CYB5D2: variants seen among roughly 807,000 people sequenced by gnomAD.
CYB5D2 encodes neuferricin.
Under a neutral mutation model 22.8 loss-of-function variants are expected in CYB5D2, and 23 were observed. That is an observed-to-expected ratio of 1.01 (90% confidence interval 0.73 to 1.43). The LOEUF is 1.43. Ranked by LOEUF, CYB5D2 falls within the 40% of genes most tolerant of loss-of-function variation. The pLI is 0.00. For synonymous variants in CYB5D2, 170 were observed against 152.2 expected (o/e 1.12, Z -0.86); for missense variants, 373 against 357.2 (o/e 1.04, Z -0.36).
intron 1 of CYB5D2, among the ~76,000 whole-genome samples, chr17:4,148,109 A>G (rs911600450): frequency 1.3e-5 from 2 of 152,182 alleles, no homozygotes; most frequent in South Asian, 4.1e-4. Context: ...GTGAGAAAGG[A>G]TGGCAGCCTG....
intron 1 of CYB5D2, among the ~76,000 whole-genome samples, chr17:4,147,841 G>A (rs1422012783): frequency 5.9e-5 from 9 of 152,228 alleles, no homozygotes; most frequent in South Asian, 4.2e-4. Context: ...CAACAAGAGC[G>A]AAACTCTGTC....
In CYB5D2 at chr17:4,149,878, A is replaced by C. The variant is rs767153423; in HGVS notation, c.251-13A>C. On this transcript the variant is annotated splice_polypyrimidine_tract_variant and intron_variant, in intron 1 of 3. Transcript: ENST00000301391. ...GTTTACACCTGGGTCTGATGGAAAC[A>C]TCTCTGTTCCAGGCCGAGACGCATC... 169 of 1,609,510 alleles carry C rather than the reference A, an allele frequency of 1.1e-4. No homozygotes were observed. The highest frequency in any genetic ancestry group is 1.4e-4 in the Non-Finnish European group (166 of 1,177,100).
rs141771936 is a variant in CYB5D2, at chr17:4,156,721, G to T, written c.579-145G>T. 7.2e-4 allele frequency: 601 copies of T among 837,544 alleles called. 2 individuals carry two copies. In the African/African-American group the frequency reaches 8.9e-3, roughly 12 times the overall value. The allele number at this position is 837,544 out of a possible 1,614,324, so 51.9% of individuals were successfully genotyped here. ...TAGGAGAGAGCATGAAGGCTCAGGG[G>T]CTGAGCGCTGTAGCCTGCTGCCTTG... On this transcript the variant is annotated intron_variant, in intron 3 of 3. Transcript: ENST00000301391.
intron 3 of CYB5D2, 61 bp from the exon 4 acceptor site, chr17:4,156,805 C>T (rs2059116360): frequency 1.3e-6 from 2 of 1,567,442 alleles, no homozygotes; most frequent in Admixed American, 1.8e-5. Context: ...TTCCTGCTCT[C>T]CCCTTCCCAG....
At chr17:4,147,629 C>T (rs1279833705) in intron 1 of CYB5D2, among the ~76,000 whole-genome samples, 1 of 151,896 alleles carries the variant, frequency 6.6e-6, no homozygotes, top group Non-Finnish European at 1.5e-5. Flanking sequence ...CAAGGTGGGC[C>T]GATCACCTGA....
Position 4,156,938 on chromosome 17 carries a change from CGTGT to C in CYB5D2, c.657_660del (p.Cys219Ter). 6.2e-7 allele frequency: 1 copy of C among 1,612,804 alleles called. No individual in the cohort carries two copies. Among genetic ancestry groups the C allele is most frequent in the East Asian group, 2.2e-5 (1 of 44,880 alleles). On this transcript the variant is annotated frameshift_variant, in exon 4 of 4. Coordinates refer to ENST00000301391, the MANE Select transcript of CYB5D2 (RefSeq NM_144611.4). LOFTEE classifies it low-confidence loss of function (END_TRUNC). The stretch of plus-strand genomic sequence containing the variant: ...AGCCAGGTGCTAAGGAGCCCCGCTG[CGTGT>C]GTGTGAGAACCACCGGCCCCCCTAG...
chr17:4,147,714 A>G (rs532121470), intron 1 of CYB5D2, among the ~76,000 whole-genome samples: 162 of 152,320 alleles, frequency 1.1e-3, no homozygotes, highest in Middle Eastern at 3.4e-3. Flanking sequence ...TTAGCCGGGC[A>G]TGGTGGCGCA....
intron 1 of CYB5D2, among the ~76,000 whole-genome samples, chr17:4,148,568 G>A (rs1441288801): frequency 6.6e-6 from 1 of 151,100 alleles, no homozygotes; most frequent in Non-Finnish European, 1.5e-5. Flanking sequence ...GCTGGATGCG[G>A]TGGCTCACAC....
chr17:4,143,731 G>T lies in CYB5D2; in HGVS notation c.-25G>T. 1 of 1,589,188 alleles carries T rather than the reference G, an allele frequency of 6.3e-7. No individual in the cohort carries two copies. On this transcript the variant is annotated 5_prime_UTR_variant, in exon 1 of 4. Transcript: ENST00000301391. ...GTAGATAGAGGCGGCAACCTCGGAA[G>T]TGCGGAGCGGGTGGGCCTATATAGA...
Position 4,143,642 on chromosome 17 carries a change from CGAGA to C in CYB5D2, c.-106_-103del, listed in dbSNP as rs28372950. 49 of 1,437,770 alleles carry C rather than the reference CGAGA, an allele frequency of 3.4e-5. No homozygotes were observed. Among genetic ancestry groups the C allele is most frequent in the South Asian group, 1.7e-4 (12 of 72,436 alleles). The allele number at this position is 1,437,770 out of a possible 1,614,324, so 89.1% of individuals were successfully genotyped here. ...GGGAGGGAGCGCGAGCACTAGCGCG[CGAGA>C]GAGAGAGCGAGAGCGCGCGCGCCGA... On this transcript the variant is annotated 5_prime_UTR_variant, in exon 1 of 4. Coordinates refer to ENST00000301391, the MANE Select transcript of CYB5D2 (RefSeq NM_144611.4).
At chr17:4,153,390 C>T (rs966718199) in intron 2 of CYB5D2, among the ~76,000 whole-genome samples, 1 of 151,798 alleles carries the variant, frequency 6.6e-6, no homozygotes, top group African/African-American at 2.4e-5. Flanking sequence ...TGCTGGAGCC[C>T]CCCGTGAACG....
intron 2 of CYB5D2, chr17:4,151,003 T>A (rs2059051643): frequency 6.6e-6 from 1 of 152,256 alleles, no homozygotes; most frequent in Non-Finnish European, 1.5e-5. Flanking sequence ...AACACCAGTA[T>A]CACTTCACCA....
At position 4,156,899 on chromosome 17, in the gene CYB5D2, C is replaced by T. The variant is rs145426034; in HGVS notation, c.612C>T (p.Pro204=). The T allele has an allele frequency of 4.6e-4, 747 of 1,612,766 alleles. No individual in the cohort carries two copies. Among genetic ancestry groups the T allele is most frequent in the Non-Finnish European group, 5.9e-4 (698 of 1,180,020 alleles). The change falls in exon 4 of 4, where the codon CCC becomes CCT. Residue 204 remains proline (P), a synonymous_variant. Coordinates refer to ENST00000301391, the MANE Select transcript of CYB5D2 (RefSeq NM_144611.4). ...GGVSRDWIGV[P]RKLYKPGAKE... is the part of the protein sequence containing the mutation. Reference sequence around the variant, plus strand: ...TGAGCAGAGACTGGATTGGCGTCCCCAGGAAGCTGTATAAGCCAGGTGCTA... The same window carrying T: ...TGAGCAGAGACTGGATTGGCGTCCCTAGGAAGCTGTATAAGCCAGGTGCTA...
intron 1 of CYB5D2, 37 bp from the exon 2 acceptor site, chr17:4,149,853 GT>G: frequency 1.3e-6 from 2 of 1,596,720 alleles, no homozygotes; most frequent in South Asian, 2.2e-5. Flanking sequence ...GGTGTCAGTG[GT>G]TTACACCTGG....
At position 4,143,542 on chromosome 17, in the gene CYB5D2, A is replaced by G. The variant is rs1222595004; in HGVS notation, c.-214A>G. On this transcript the variant is annotated 5_prime_UTR_variant, in exon 1 of 4. Transcript: ENST00000301391. ...AACTCTGTCTCAGAAAAAAAAAAAAAAAGTACCTGGAAAAAGTCGCAGACA... is the reference window on the plus strand; with the variant it reads ...AACTCTGTCTCAGAAAAAAAAAAAAGAAGTACCTGGAAAAAGTCGCAGACA... The G allele has an allele frequency of 1.8e-6, 1 of 566,292 alleles. No homozygotes were observed. The highest frequency in any genetic ancestry group is 2.9e-6 in the Non-Finnish European group (1 of 348,250). 35.1% of individuals were successfully genotyped at this position (566,292 alleles called of 1,614,324 possible).
At chr17:4,144,276 G>T (rs923384243) in intron 1 of CYB5D2, among the ~76,000 whole-genome samples, 6 of 152,114 alleles carry the variant, frequency 3.9e-5, no homozygotes, top group African/African-American at 1.2e-4. Flanking sequence ...CCATTACCCA[G>T]CGTCGGAAGC....
chr17:4,155,025 G>A (rs2059099391), intron 3 of CYB5D2, among the ~76,000 whole-genome samples, 165 bp downstream of exon 3: 2 of 152,082 alleles, frequency 1.3e-5, no homozygotes, highest in African/African-American at 2.4e-5. Flanking sequence ...AGATCTTCTG[G>A]GGAATTGCCG....
Position 4,143,708 on chromosome 17 carries a change from A to G in CYB5D2, c.-48A>G, listed in dbSNP as rs998775092. The G allele has an allele frequency of 3.2e-6, 5 of 1,567,660 alleles. No individual in the cohort carries two copies. The highest frequency in any genetic ancestry group is 1.2e-5 in the South Asian group (1 of 85,188). On this transcript the variant is annotated 5_prime_UTR_variant, in exon 1 of 4. Coordinates refer to ENST00000301391, the MANE Select transcript of CYB5D2 (RefSeq NM_144611.4). ...TCGGCGTCTCGGCCATCTTAGCTGT[A>G]GATAGAGGCGGCAACCTCGGAAGTG...
chr17:4,147,683 A>C (rs971082250), intron 1 of CYB5D2, among the ~76,000 whole-genome samples: 3 of 152,172 alleles, frequency 2.0e-5, no homozygotes, highest in Non-Finnish European at 4.4e-5. Flanking sequence ...GAGAAACCCC[A>C]TCTCTACTAA....
Sources: gnomAD v4.1 joint callset for allele counts (sites outside exome capture counted in the v4.1 genomes callset) on GRCh38, gnomAD v4.1.1 for gene constraint, MANE v1.5 for transcripts, NCBI Gene and HGNC (gene_info 2026-07-23, HGNC 2026-07-21) for gene names.